NEBL: variants seen among roughly 807,000 people sequenced by gnomAD.
NEBL encodes the protein nebulette.
In NEBL, 122 loss-of-function variants were observed where a neutral mutation model predicts 140.2. That is an observed-to-expected ratio of 0.87 (90% CI 0.75 to 1.01). The LOEUF (loss-of-function observed/expected upper bound fraction) is 1.01. NEBL is among the 50% of genes least tolerant of loss of function. The probability of loss-of-function intolerance (pLI) is 0.00; values close to 1 mark genes in which losing one functional copy is unlikely to be tolerated. For synonymous variants in NEBL, 436 were observed against 398.9 expected (o/e 1.09, Z -1.11); for missense variants, 1,365 against 1,231.3 (o/e 1.11, Z -1.62).
At chr10:20,924,105 T>C (rs1203115285) in intron 4 of NEBL, among the ~76,000 whole-genome samples, 2 of 152,118 alleles carry the variant, frequency 1.3e-5, no homozygotes, top group African/African-American at 2.4e-5. Flanking sequence ...TCACTCTAAA[T>C]TGGTGATTGT....
intron 2 of NEBL, among the ~76,000 whole-genome samples, chr10:21,162,529 T>C (rs1370681337): frequency 2.0e-5 from 3 of 152,312 alleles, no homozygotes; most frequent in Middle Eastern, 3.4e-3. Flanking sequence ...GTAACACCCA[T>C]TCTCAATTCC....
intron 2 of NEBL, among the ~76,000 whole-genome samples, chr10:21,045,941 A>G (rs371337259): frequency 1.3e-4 from 20 of 152,318 alleles, no homozygotes; most frequent in African/African-American, 4.3e-4. Flanking sequence ...AGCACTATTC[A>G]CAATAGATAA....
intron 2 of NEBL, among the ~76,000 whole-genome samples, chr10:20,896,483 CATATATATATATATATAT>C (rs57289458): frequency 0.43 from 37,797 of 88,256 alleles, 6,566 homozygotes; most frequent in South Asian, 0.56. Flanking sequence ...ATATTATATG[CATATATATATATATATAT>C]ATATATATAT....
At chr10:21,264,006 C>T (rs1177888471) in intron 1 of NEBL, among the ~76,000 whole-genome samples, 5 of 152,110 alleles carry the variant, frequency 3.3e-5, no homozygotes, top group Non-Finnish European at 2.9e-5. Context: ...AAGATATCAC[C>T]ATGGCAGGAG....
chr10:21,184,577 A>G (rs1021758235), intron 3 of NEBL, among the ~76,000 whole-genome samples: 1 of 152,228 alleles, frequency 6.6e-6, no homozygotes, highest in African/African-American at 2.4e-5. Context: ...AGCCTTCATT[A>G]TATGAAAAGG....
chr10:21,284,647 T>C (rs1319659941), intron 1 of NEBL, among the ~76,000 whole-genome samples: 1 of 152,110 alleles, frequency 6.6e-6, no homozygotes, highest in East Asian at 1.9e-4. Flanking sequence ...AAATGCAAAT[T>C]TTATTGTATT....
chr10:21,049,787 T>C (rs1834689496), intron 2 of NEBL, among the ~76,000 whole-genome samples: 1 of 152,204 alleles, frequency 6.6e-6, no homozygotes, highest in African/African-American at 2.4e-5. Flanking sequence ...ATCTCTCTTC[T>C]CTAATGTGGA....
intron 3 of NEBL, among the ~76,000 whole-genome samples, chr10:21,000,635 ACT>A (rs372726445): frequency 1.3e-5 from 2 of 152,054 alleles, no homozygotes; most frequent in African/African-American, 4.8e-5. Context: ...TTAAATTGAA[ACT>A]CTGAACATTT....
intron 2 of NEBL, among the ~76,000 whole-genome samples, chr10:21,169,067 A>AAATATATATATATAT (rs1554830679): frequency 6.1e-4 from 14 of 23,060 alleles, no homozygotes; most frequent in Non-Finnish European, 1.0e-3. Flanking sequence ...AAAAAAAAAA[A>AAATATATATATATAT]ATATATATAT....
chr10:21,078,184 CA>C (rs1836193364), intron 2 of NEBL, among the ~76,000 whole-genome samples: 1 of 152,136 alleles, frequency 6.6e-6, no homozygotes, highest in African/African-American at 2.4e-5. Context: ...CTAAAATGAA[CA>C]CAGCAGCATG....
At chr10:21,007,019 T>C (rs1838164124) in intron 3 of NEBL, among the ~76,000 whole-genome samples, 1 of 151,896 alleles carries the variant, frequency 6.6e-6, no homozygotes, top group African/African-American at 2.4e-5. Flanking sequence ...ATCTGATCCA[T>C]GGAAAGAGGA....
chr10:21,158,817 A>AGGATAAAAGCTAAATAGGAATT (rs1840438844), intron 2 of NEBL, among the ~76,000 whole-genome samples: 2 of 152,254 alleles, frequency 1.3e-5, no homozygotes, highest in Admixed American at 1.3e-4. Context: ...CTCAGTTGAA[A>AGGATAAAAGCTAAATAGGAATT]GGATAAAAGC....
intron 3 of NEBL, among the ~76,000 whole-genome samples, chr10:21,216,258 C>G (rs1368376103): frequency 6.6e-6 from 1 of 152,176 alleles, no homozygotes; most frequent in Non-Finnish European, 1.5e-5. Context: ...GCCACATATC[C>G]AAGTGCCTGT....
intron 4 of NEBL, among the ~76,000 whole-genome samples, chr10:20,926,226 A>G: frequency 6.6e-6 from 1 of 152,228 alleles, no homozygotes; most frequent in East Asian, 1.9e-4. Context: ...CTGCAGATTC[A>G]TTTCTGAAAT....
intron 2 of NEBL, among the ~76,000 whole-genome samples, chr10:21,102,732 G>A (rs1303190076): frequency 6.6e-6 from 1 of 152,180 alleles, no homozygotes; most frequent in Non-Finnish European, 1.5e-5. Context: ...ATTCTGGATT[G>A]TTTGTAGTTT....
At chr10:20,812,206 C>T (rs1056510122) in intron 24 of NEBL, among the ~76,000 whole-genome samples, 1 of 152,000 alleles carries the variant, frequency 6.6e-6, no homozygotes, top group African/African-American at 2.4e-5. Context: ...AACACGTCAA[C>T]CAAGCAGAAA....
chr10:21,190,823 A>C (rs768710820), intron 3 of NEBL, among the ~76,000 whole-genome samples: 2 of 152,252 alleles, frequency 1.3e-5, no homozygotes, highest in Non-Finnish European at 2.9e-5. Flanking sequence ...CAGCAAGTAC[A>C]TAAAGCTATG....
chr10:21,180,952 T>C (rs1841377113), intron 3 of NEBL, among the ~76,000 whole-genome samples: 1 of 150,576 alleles, frequency 6.6e-6, no homozygotes, highest in African/African-American at 2.5e-5. Flanking sequence ...TGCACTGTAT[T>C]TTTTTTAAAT....
In NEBL at chr10:20,835,535, T is replaced by A; in HGVS notation, c.1427A>T (p.Lys476Met). 1.9e-6 allele frequency: 3 copies of A among 1,612,286 alleles called. No homozygotes were observed. The highest frequency in any genetic ancestry group is 2.5e-6 in the Non-Finnish European group (3 of 1,179,578). The change falls in exon 14 of 28, where the codon AAG becomes ATG. Residue 476 changes from lysine (K) to methionine (M), a missense_variant. Coordinates refer to ENST00000377122, the MANE Select transcript of NEBL (RefSeq NM_006393.3). ...AACCTCACTCGCTATCTCTGCAGCC[T>A]TCTTGGCATGCTGCATTTCAAGGGT... is the stretch of plus-strand genomic sequence containing the variant. ...TDTLEMQHAK[K>M]AAEIASEKDY...
Sources: allele counts gnomAD v4.1 joint callset (sites outside exome capture counted in the v4.1 genomes callset), GRCh38; gene constraint gnomAD v4.1.1; transcripts MANE v1.5; gene names NCBI Gene and HGNC (gene_info 2026-07-23, HGNC 2026-07-21).